RNF144A: variants seen among roughly 807,000 people sequenced by gnomAD.
The protein encoded by RNF144A is ring finger protein 144A.
A neutral mutation model predicts 38.7 loss-of-function variants in RNF144A; 11 were observed. The observed-to-expected ratio is 0.28, with a 90% CI of 0.18 to 0.47. The LOEUF (loss-of-function observed/expected upper bound fraction) is 0.47, where lower values mean the gene tolerates loss of function less well. Among genes scored for constraint, RNF144A ranks in the 20% least tolerant of loss-of-function variants. RNF144A has a pLI of 0.99. For synonymous variants in RNF144A, 149 were observed against 143.9 expected (o/e 1.04, Z -0.25); for missense variants, 316 against 377.2 (o/e 0.84, Z 1.34).
At chr2:7,000,307 G>A (rs1043883248) in intron 3 of RNF144A, among the ~76,000 whole-genome samples, 2 of 152,182 alleles carry the variant, frequency 1.3e-5, no homozygotes, top group African/African-American at 4.8e-5. Flanking sequence ...TGACATGTAA[G>A]TCTAACCAAC....
intron 2 of RNF144A, among the ~76,000 whole-genome samples, chr2:6,977,133 G>T (rs527869927): frequency 1.3e-5 from 2 of 152,286 alleles, no homozygotes; most frequent in Non-Finnish European, 2.9e-5. Context: ...CATGTTTATT[G>T]CTTTCTCTAA....
intron 1 of RNF144A, among the ~76,000 whole-genome samples, chr2:6,940,024 T>C (rs1665867103): frequency 6.6e-6 from 1 of 152,236 alleles, no homozygotes; most frequent in Non-Finnish European, 1.5e-5. Context: ...TAGGTTCTTT[T>C]AGCTACTAAG....
At chr2:6,936,927 T>G (rs1665629034) in intron 1 of RNF144A, among the ~76,000 whole-genome samples, 1 of 151,572 alleles carries the variant, frequency 6.6e-6, no homozygotes, top group Non-Finnish European at 1.5e-5. Context: ...TCTGAGCTCC[T>G]TGACAGCAGA....
At chr2:6,967,330 C>A (rs1025669600) in intron 2 of RNF144A, among the ~76,000 whole-genome samples, 1 of 152,248 alleles carries the variant, frequency 6.6e-6, no homozygotes, top group Non-Finnish European at 1.5e-5. Context: ...AGACGTAGTT[C>A]GTTTGTCGTC....
At chr2:7,045,854 C>T (rs112075424), downstream of RNF144A, among the ~76,000 whole-genome samples, 1 of 152,252 alleles carries the variant, frequency 6.6e-6, no homozygotes, top group African/African-American at 2.4e-5. Flanking sequence ...TTCTTCCCTA[C>T]GCTGGGTTGC....
At chr2:7,054,678 T>C (rs1325069384) in intron 6 of RNF144A, among the ~76,000 whole-genome samples, 1 of 152,132 alleles carries the variant, frequency 6.6e-6, no homozygotes, top group Admixed American at 6.5e-5. Flanking sequence ...GCCTTCCGTC[T>C]TTTCCACCAT....
At chr2:6,955,428 AGGGATCAGAGACCCGT>A (rs1415924573) in intron 2 of RNF144A, among the ~76,000 whole-genome samples, 1 of 152,162 alleles carries the variant, frequency 6.6e-6, no homozygotes, top group African/African-American at 2.4e-5. Context: ...ATTACAGAGG[AGGGATCAGAGACCCGT>A]GGGGATTCCA....
intron 2 of RNF144A, among the ~76,000 whole-genome samples, chr2:6,993,804 C>G (rs934944931): frequency 6.6e-6 from 1 of 152,046 alleles, no homozygotes; most frequent in Non-Finnish European, 1.5e-5. Flanking sequence ...TTGTTTTATC[C>G]ATTTTGTCTA....
At chr2:7,003,776 C>T (rs1670268603) in intron 3 of RNF144A, among the ~76,000 whole-genome samples, 1 of 152,220 alleles carries the variant, frequency 6.6e-6, no homozygotes, top group South Asian at 2.1e-4. Flanking sequence ...GCATGCTTTG[C>T]CACCTGCCAT....
downstream of RNF144A, among the ~76,000 whole-genome samples, chr2:7,047,875 A>AC (rs1308147503): frequency 3.9e-5 from 6 of 152,086 alleles, no homozygotes; most frequent in African/African-American, 1.4e-4. Context: ...CCCATTTGCC[A>AC]CAAGTGACAC....
chr2:7,012,529 G>T (rs972096694), intron 3 of RNF144A, among the ~76,000 whole-genome samples: 4 of 152,238 alleles, frequency 2.6e-5, no homozygotes, highest in African/African-American at 4.8e-5. Context: ...CCCTTGTCAT[G>T]TGGCACCCAA....
At chr2:6,996,853 G>A in intron 2 of RNF144A, 63 bp from the exon 3 acceptor site, 1 of 1,548,834 alleles carries the variant, frequency 6.5e-7, no homozygotes, top group East Asian at 2.3e-5. Flanking sequence ...GGAGAACCTT[G>A]CCACGGAGCA....
the RNF144A span, chr2:7,074,384 A>G: frequency 6.6e-6 from 1 of 152,240 alleles, no homozygotes; most frequent in African/African-American, 2.4e-5. Context: ...AAGTGCAACC[A>G]TAGCCCATAC....
intron 1 of RNF144A, among the ~76,000 whole-genome samples, chr2:6,926,665 A>G (rs947938044): frequency 6.6e-6 from 1 of 152,240 alleles, no homozygotes; most frequent in African/African-American, 2.4e-5. Flanking sequence ...CACTCGGCAC[A>G]CAGGCTTCTC....
intron 2 of RNF144A, among the ~76,000 whole-genome samples, chr2:6,985,268 CTCTTTT>C (rs1256538107): frequency 0.023 from 2,972 of 128,596 alleles, 97 homozygotes; most frequent in African/African-American, 0.081. Context: ...TCCCTCCCCC[CTCTTTT>C]TTTTTTTTTT....
chr2:6,941,703 G>A lies in RNF144A; in HGVS notation c.-12+556G>A, dbSNP rs890987244. Among the ~76,000 whole-genome samples, 1 of 152,280 alleles carries A rather than the reference G, an allele frequency of 6.6e-6. No homozygotes were observed. The highest frequency in any genetic ancestry group is 2.4e-5 in the African/African-American group (1 of 41,482). On this transcript the variant is annotated intron_variant, in intron 2 of 8. Transcript: ENST00000320892. This position sits in a 1 kb window ranked among gnomAD's most constrained non-coding sequence, Gnocchi z 6.5. Reference sequence around the variant, plus strand: ...AGACCATGTCTAGTACGACGGGGCAGGTTGCAGTTTTAAGTGGAGTGGTCA... The same window carrying A: ...AGACCATGTCTAGTACGACGGGGCAAGTTGCAGTTTTAAGTGGAGTGGTCA...
At chr2:6,930,781 G>T (rs879442232) in intron 1 of RNF144A, among the ~76,000 whole-genome samples, 4 of 151,790 alleles carry the variant, frequency 2.6e-5, no homozygotes, top group Admixed American at 1.3e-4. Flanking sequence ...TTTTGTAGAG[G>T]GGGGGATTTG....
chr2:7,051,448 C>G (rs910859598), intron 6 of RNF144A, among the ~76,000 whole-genome samples: 1 of 152,194 alleles, frequency 6.6e-6, no homozygotes, highest in African/African-American at 2.4e-5. Flanking sequence ...TGGGATTTGC[C>G]TACGCCACGG....
In RNF144A at chr2:7,014,130, A is replaced by G. The variant is rs568072040; in HGVS notation, c.136-324A>G. 9.8e-5 allele frequency among the ~76,000 whole-genome samples: 15 copies of G among 152,330 alleles called. No individual in the cohort carries two copies. The East Asian group carries it at 1.3e-3, about 14-fold the overall frequency. On this transcript the variant is annotated intron_variant, in intron 3 of 8. Coordinates refer to ENST00000320892, the MANE Select transcript of RNF144A (RefSeq NM_014746.6). Reference sequence around the variant, plus strand: ...ATCTTATAGGCATTTGAGAAATATTACCTCCCAGCCTCCCTTGCTGCCTTT... The same window carrying G: ...ATCTTATAGGCATTTGAGAAATATTGCCTCCCAGCCTCCCTTGCTGCCTTT...
Sources: gnomAD v4.1 joint callset for allele counts (sites outside exome capture counted in the v4.1 genomes callset) on GRCh38, gnomAD v4.1.1 for gene constraint, Gnocchi (gnomAD v3.1) non-coding constraint, MANE v1.5 for transcripts, NCBI Gene and HGNC (gene_info 2026-07-23, HGNC 2026-07-21) for gene names.